The following ALPK2 variants were observed in gnomAD, a reference collection of about 807,000 sequenced individuals.
ALPK2 encodes alpha kinase 2, also known as alpha-protein kinase 2.
Under a neutral mutation model 163.1 loss-of-function variants are expected in ALPK2, and 127 were observed. That is an observed-to-expected ratio of 0.78 (90% confidence interval 0.67 to 0.90). The LOEUF is 0.90. Ranked by LOEUF, ALPK2 falls within the 40% of genes least tolerant of loss-of-function variation. ALPK2 has a pLI of 0.00. For missense variants in ALPK2, 2,360 were observed against 2,589.6 expected (o/e 0.91, Z 1.92); for synonymous variants, 953 against 959.1 (o/e 0.99, Z 0.12).
In ALPK2 at chr18:58,564,643, G is replaced by A. The variant is rs1221782852; in HGVS notation, c.1962+14171C>T. Among the ~76,000 whole-genome samples the A allele has an allele frequency of 3.4e-5, 5 of 147,482 alleles. No homozygotes were observed. In the East Asian group the frequency reaches 9.9e-4, roughly 29 times the overall value. On this transcript the variant is annotated intron_variant, in intron 4 of 12. Transcript: ENST00000361673. ...TTCCACTTTGTTTGATATTTATTTT[G>A]GCAGCTGATGTAAAATTAGGGATTC...
chr18:58,499,777 T>A (rs1209190831), intron 11 of ALPK2, among the ~76,000 whole-genome samples: 2 of 152,194 alleles, frequency 1.3e-5, no homozygotes, highest in African/African-American at 4.8e-5. Context: ...ATTCCCCACC[T>A]CCAGCACGTG....
At chr18:58,526,434 G>T (rs78169265) in intron 6 of ALPK2, among the ~76,000 whole-genome samples, 7,794 of 152,246 alleles carry the variant, frequency 0.051, 245 homozygotes, top group African/African-American at 0.09. Context: ...TCCCATCCCA[G>T]CAGCCAGCTC....
chr18:58,499,672 A>T (rs1167338164), intron 11 of ALPK2, among the ~76,000 whole-genome samples: 1 of 152,104 alleles, frequency 6.6e-6, no homozygotes, highest in Non-Finnish European at 1.5e-5. Context: ...GTGCCACCCC[A>T]CCAGTGTGTC....
intron 11 of ALPK2, 64 bp downstream of exon 11, chr18:58,503,866 TC>T: frequency 6.8e-7 from 1 of 1,465,172 alleles, no homozygotes; most frequent in Non-Finnish European, 9.4e-7. Context: ...CCCCTCCCTC[TC>T]CACCCACAGG....
chr18:58,553,944 C>T (rs1361794390), intron 4 of ALPK2, among the ~76,000 whole-genome samples: 1 of 141,338 alleles, frequency 7.1e-6, no homozygotes, highest in Non-Finnish European at 1.5e-5. Context: ...TCACTGAAAC[C>T]TCTGCCTCCC....
At position 58,536,388 on chromosome 18, in the gene ALPK2, T is replaced by A; in HGVS notation, c.3799A>T (p.Ile1267Leu). 6.2e-7 allele frequency: 1 copy of A among 1,614,194 alleles called. No individual in the cohort carries two copies. The highest frequency in any genetic ancestry group is 8.5e-7 in the Non-Finnish European group (1 of 1,180,018). Reference protein sequence around the residue: ...SESKASDGGLIIPDKVWAVPD... With the variant: ...SESKASDGGLLIPDKVWAVPD... Reference sequence around the variant, plus strand: ...ACAGCCCAGACCTTGTCAGGAATTATGAGACCACCGTCTGATGCCTTGCTC... The same window carrying A: ...ACAGCCCAGACCTTGTCAGGAATTAAGAGACCACCGTCTGATGCCTTGCTC... The change falls in exon 5 of 13, where the codon ATA (isoleucine) becomes TTA (leucine). Residue 1267 changes from isoleucine (I) to leucine (L), a missense_variant. By Grantham distance (5) the Ile-to-Leu change is conservative. Coordinates refer to ENST00000361673, the MANE Select transcript of ALPK2 (RefSeq NM_052947.4).
intron 5 of ALPK2, among the ~76,000 whole-genome samples, chr18:58,531,423 C>T (rs925047660): frequency 2.1e-4 from 32 of 151,882 alleles, no homozygotes; most frequent in Admixed American, 1.2e-3. Context: ...AAAGCAGTGA[C>T]GAGGACTCAG....
intron 1 of ALPK2, among the ~76,000 whole-genome samples, chr18:58,619,696 T>A (rs1949971869): frequency 1.3e-5 from 2 of 152,216 alleles, no homozygotes; most frequent in South Asian, 4.1e-4. Context: ...TAAAATTGAG[T>A]ACTGGCAGCA....
rs977449930 is a variant in ALPK2, at chr18:58,609,976, A to C, written c.109+1713T>G. 3.9e-5 allele frequency among the ~76,000 whole-genome samples: 6 copies of C among 152,306 alleles called. No individual in the cohort carries two copies. The South Asian group carries it at 1.0e-3, about 26-fold the overall frequency. On this transcript the variant is annotated intron_variant, in intron 2 of 12. Transcript: ENST00000361673. ...GCGCACAGTTCTACACTGCAACTCC[A>C]GGCTGAAATCGAGGTTTTATGACAA...
intron 4 of ALPK2, among the ~76,000 whole-genome samples, chr18:58,575,116 G>A (rs563269236): frequency 6.6e-6 from 1 of 152,016 alleles, no homozygotes; most frequent in East Asian, 1.9e-4. Flanking sequence ...AGGAGGCTGA[G>A]GCAGGAGAAT....
intron 5 of ALPK2, 145 bp downstream of exon 5, chr18:58,534,689 T>G: frequency 9.2e-7 from 1 of 1,087,712 alleles, no homozygotes; most frequent in East Asian, 2.4e-5. Flanking sequence ...TGCCACATGC[T>G]GAAGCCACTT....
Position 58,547,712 on chromosome 18 carries a change from A to G in ALPK2, c.1963-9488T>C, listed in dbSNP as rs549459747. 2.3e-4 allele frequency among the ~76,000 whole-genome samples: 35 copies of G among 152,310 alleles called. 1 individual carries two copies. The South Asian group carries it at 5.0e-3, about 22-fold the overall frequency. Reference sequence around the variant, plus strand: ...CAGAAAGTCTTGTTTTACCCACACAATGTTGCACATAATTTCCGGGGGGTT... The same window carrying G: ...CAGAAAGTCTTGTTTTACCCACACAGTGTTGCACATAATTTCCGGGGGGTT... On this transcript the variant is annotated intron_variant, in intron 4 of 12. Transcript: ENST00000361673.
At chr18:58,591,196 C>T (rs2052013125) in intron 3 of ALPK2, among the ~76,000 whole-genome samples, 1 of 152,142 alleles carries the variant, frequency 6.6e-6, no homozygotes, top group African/African-American at 2.4e-5. Context: ...ATCTGTGCAA[C>T]CCTGCACTAA....
chr18:58,589,620 C>A (rs2144208467), intron 3 of ALPK2, among the ~76,000 whole-genome samples: 1 of 152,348 alleles, frequency 6.6e-6, no homozygotes, highest in East Asian at 1.9e-4. Flanking sequence ...TCAGTCCCTA[C>A]ATTTCAATCA....
chr18:58,546,499 C>T (rs939343989), intron 4 of ALPK2, among the ~76,000 whole-genome samples: 19 of 152,142 alleles, frequency 1.2e-4, no homozygotes, highest in Non-Finnish European at 2.4e-4. Context: ...TAAGTAGTAA[C>T]GCTACTATTA....
chr18:58,551,916 T>A (rs1458826795), intron 4 of ALPK2, among the ~76,000 whole-genome samples: 1 of 152,200 alleles, frequency 6.6e-6, no homozygotes, highest in Non-Finnish European at 1.5e-5. Flanking sequence ...TGTTCTGCTA[T>A]CTCCTTATGA....
At chr18:58,527,047 C>T (rs978282118) in intron 6 of ALPK2, among the ~76,000 whole-genome samples, 2 of 151,214 alleles carry the variant, frequency 1.3e-5, no homozygotes, top group African/African-American at 2.5e-5. Flanking sequence ...CATTCCTTTG[C>T]CTGATGGACT....
intron 3 of ALPK2, among the ~76,000 whole-genome samples, chr18:58,587,879 G>A (rs1387249574): frequency 6.6e-6 from 1 of 152,220 alleles, no homozygotes; most frequent in Non-Finnish European, 1.5e-5. Flanking sequence ...TAGCTTGAAA[G>A]TTTGGATTTT....
chr18:58,516,021 C>T (rs2051519448), intron 9 of ALPK2, among the ~76,000 whole-genome samples: 1 of 151,812 alleles, frequency 6.6e-6, no homozygotes, highest in Non-Finnish European at 1.5e-5. Flanking sequence ...AGGTCAAGAC[C>T]AGCCTGGGCA....
Sources: allele counts gnomAD v4.1 joint callset (sites outside exome capture counted in the v4.1 genomes callset), GRCh38; gene constraint gnomAD v4.1.1; transcripts MANE v1.5; gene names NCBI Gene and HGNC (gene_info 2026-07-23, HGNC 2026-07-21).